The following PWWP3B variants were observed in gnomAD, a reference collection of about 807,000 sequenced individuals.
PWWP3B encodes PWWP domain-containing DNA repair factor 3B.
PWWP3B carries 5 observed loss-of-function variants against 15.7 expected under a neutral mutation model. The observed-to-expected ratio is 0.32, with a 90% CI of 0.17 to 0.67. The LOEUF (loss-of-function observed/expected upper bound fraction) is 0.67. Among genes scored for constraint, PWWP3B ranks in the 30% least tolerant of loss-of-function variants. The pLI is 0.74. For missense variants in PWWP3B, 519 were observed against 493.1 expected (o/e 1.05, Z -0.50); for synonymous variants, 203 against 179.8 (o/e 1.13, Z -1.03).
At chrX:106,205,059 C>T (rs1459194149) in intron 3 of PWWP3B, among the ~76,000 whole-genome samples, 160 bp from the exon 4 acceptor site, 5 of 109,921 alleles carry the variant, frequency 4.5e-5, no homozygotes, top group African/African-American at 1.7e-4. Flanking sequence ...TTTTTTCCAC[C>T]CCTCCCCCCC....
intron 2 of PWWP3B, among the ~76,000 whole-genome samples, chrX:106,183,460 C>T (rs988692360): frequency 9.0e-6 from 1 of 111,498 alleles, no homozygotes; most frequent in East Asian, 2.8e-4. Flanking sequence ...CTTCCAATGC[C>T]CAGACTTCAA....
At chrX:106,198,990 T>C (rs1226103228) in intron 2 of PWWP3B, among the ~76,000 whole-genome samples, 1 of 110,809 alleles carries the variant, frequency 9.0e-6, no homozygotes, top group Non-Finnish European at 1.9e-5. Flanking sequence ...TATGTATTAA[T>C]ACCTTGAAAG....
In PWWP3B at chrX:106,205,380, G is replaced by T; in HGVS notation, c.-53G>T. ...TAGAACTTGCATTAGCAGTGACAAA[G>T]ATAGCCACCTCAACCTTTGGTAATA... On this transcript the variant is annotated 5_prime_UTR_variant, in exon 4 of 4. Coordinates refer to ENST00000357175, the MANE Select transcript of PWWP3B (RefSeq NM_001171020.2). 9.4e-7 allele frequency: 1 copy of T among 1,058,712 alleles called. No individual in the cohort carries two copies. The highest frequency in any genetic ancestry group is 1.2e-6 in the Non-Finnish European group (1 of 806,769). The allele number at this position is 1,058,712 out of a possible 1,213,427, so 87.2% of individuals were successfully genotyped here.
intron 1 of PWWP3B, among the ~76,000 whole-genome samples, 158 bp downstream of exon 1, chrX:106,168,583 G>A (rs1218691172): frequency 8.9e-6 from 1 of 112,223 alleles, no homozygotes; most frequent in Non-Finnish European, 1.9e-5. Context: ...CATTACACCT[G>A]TGGAAAAATA....
intron 2 of PWWP3B, among the ~76,000 whole-genome samples, chrX:106,198,932 C>G (rs1200156703): frequency 1.8e-5 from 2 of 110,435 alleles, no homozygotes; most frequent in African/African-American, 6.6e-5. Flanking sequence ...TAAATCTCTT[C>G]ATTTAAATAA....
rs1321404597 is a variant in PWWP3B at position 106,206,532 on chromosome X, C to A, written c.1100C>A (p.Ser367Tyr). Residue 367 changes from serine to tyrosine, a missense_variant, in exon 4 of 4, where the codon TCT becomes TAT. Physicochemically the swap from Ser to Tyr is moderately radical, Grantham distance 144. Transcript: ENST00000357175. ...KSLLPSRINL[S>Y]LLDDDEEDEE... Reference sequence around the variant, plus strand: ...TTGCTTCCAAGTCGCATTAATCTTTCTCTATTAGATGATGATGAGGAAGAC... The same window carrying A: ...TTGCTTCCAAGTCGCATTAATCTTTATCTATTAGATGATGATGAGGAAGAC... 2 of 1,206,243 alleles carry A rather than the reference C, an allele frequency of 1.7e-6. No homozygotes were observed. The highest frequency in any genetic ancestry group is 2.2e-6 in the Non-Finnish European group (2 of 893,521).
At chrX:106,196,216 A>G (rs1316581753) in intron 2 of PWWP3B, among the ~76,000 whole-genome samples, 1 of 111,745 alleles carries the variant, frequency 8.9e-6, no homozygotes, top group African/African-American at 3.2e-5. Flanking sequence ...TTCTACATAC[A>G]TCATCTTGTC....
Position 106,178,493 on chromosome X carries a change from G to A in PWWP3B, c.-401+7354G>A, listed in dbSNP as rs1020690721. 4.5e-5 allele frequency among the ~76,000 whole-genome samples: 5 copies of A among 112,188 alleles called. No individual in the cohort carries two copies. The Admixed American group carries it at 4.7e-4, about 11-fold the overall frequency. Reference sequence around the variant, plus strand: ...AATCAGAAAAAATATAAACCAGCCTGCTAATGGAATTATTTGTGCAGTTGA... The same window carrying A: ...AATCAGAAAAAATATAAACCAGCCTACTAATGGAATTATTTGTGCAGTTGA... On this transcript the variant is annotated intron_variant, in intron 2 of 3. Transcript: ENST00000357175.
At chrX:106,170,195 A>G (rs1488061773) in intron 1 of PWWP3B, among the ~76,000 whole-genome samples, 2 of 111,924 alleles carry the variant, frequency 1.8e-5, no homozygotes, top group Non-Finnish European at 3.8e-5. Context: ...ATTGATATGG[A>G]AAGATGTTCA....
At chrX:106,172,255 A>C (rs1602816583) in intron 2 of PWWP3B, among the ~76,000 whole-genome samples, 1 of 109,955 alleles carries the variant, frequency 9.1e-6, no homozygotes, top group African/African-American at 3.3e-5. Context: ...TAAATTTATA[A>C]AAAAAAATAT....
At chrX:106,189,909 G>A (rs1158713188) in intron 2 of PWWP3B, among the ~76,000 whole-genome samples, 68 of 109,774 alleles carry the variant, frequency 6.2e-4, no homozygotes, top group African/African-American at 4.6e-4. Context: ...GAGCCACCGC[G>A]CCCGGCGCCA....
At position 106,206,302 on chromosome X, in the gene PWWP3B, C is replaced by G. The variant is rs1358835292; in HGVS notation, c.870C>G (p.Cys290Trp). The G allele has an allele frequency of 1.7e-6, 2 of 1,203,351 alleles. No homozygotes were observed. The highest frequency in any genetic ancestry group is 2.2e-6 in the Non-Finnish European group (2 of 891,548). The change falls in exon 4 of 4, where the codon TGC becomes TGG. Residue 290 changes from cysteine (C) to tryptophan (W), a missense_variant. Cys to Trp is a radical substitution (Grantham distance 215). Coordinates refer to ENST00000357175, the MANE Select transcript of PWWP3B (RefSeq NM_001171020.2). ...CTGGAGAGGGTCCCTCAAATCCATG[C>G]TTAGATACCAGCCAGAATCAACCTT... ...EDPGEGPSNP[C>W]LDTSQNQPSM...
At chrX:106,195,389 A>C (rs772185386) in intron 2 of PWWP3B, among the ~76,000 whole-genome samples, 68 of 111,620 alleles carry the variant, frequency 6.1e-4, no homozygotes, top group Non-Finnish European at 1.7e-4. Flanking sequence ...CATGCTTTTT[A>C]AATCCTAATA....
intron 2 of PWWP3B, among the ~76,000 whole-genome samples, chrX:106,192,226 A>G (rs1166899220): frequency 9.0e-6 from 1 of 111,063 alleles, no homozygotes; most frequent in African/African-American, 3.3e-5. Flanking sequence ...AGCTCCTGTT[A>G]TTGGTCTATT....
intron 2 of PWWP3B, among the ~76,000 whole-genome samples, chrX:106,184,410 A>G (rs1044568839): frequency 9.0e-6 from 1 of 111,169 alleles, no homozygotes; most frequent in East Asian, 2.8e-4. Context: ...TGAGTAATTC[A>G]TGGGCTTTTT....
At chrX:106,174,451 A>C (rs1384358612) in intron 2 of PWWP3B, among the ~76,000 whole-genome samples, 3 of 112,336 alleles carry the variant, frequency 2.7e-5, no homozygotes, top group African/African-American at 9.7e-5. Flanking sequence ...ATCTAAATTT[A>C]AATCTTAATT....
chrX:106,185,491 C>A (rs763701068), intron 2 of PWWP3B, among the ~76,000 whole-genome samples: 1 of 111,333 alleles, frequency 9.0e-6, no homozygotes, highest in African/African-American at 3.3e-5. Context: ...TTGTGCTCAC[C>A]AGTGCAGCAG....
chrX:106,175,024 G>A (rs1457795186), intron 2 of PWWP3B, among the ~76,000 whole-genome samples: 1 of 93,811 alleles, frequency 1.1e-5, no homozygotes, highest in Admixed American at 1.2e-4. Flanking sequence ...CTGAGCGACA[G>A]AGCAAGACTC....
intron 2 of PWWP3B, among the ~76,000 whole-genome samples, chrX:106,183,628 G>A (rs1343473736): frequency 8.9e-6 from 1 of 112,373 alleles, no homozygotes; most frequent in African/African-American, 3.2e-5. Context: ...AAGTCTCCCA[G>A]TTACAAATGA....
Sources: allele counts gnomAD v4.1 joint callset (sites outside exome capture counted in the v4.1 genomes callset), GRCh38; gene constraint gnomAD v4.1.1; transcripts MANE v1.5; gene names NCBI Gene and HGNC (gene_info 2026-07-23, HGNC 2026-07-21).